Variants in ACBD6 observed in about 807,000 individuals in gnomAD.
ACBD6 encodes acyl-CoA binding domain containing 6, also known as acyl-CoA-binding domain-containing protein 6.
ACBD6 carries 28 observed loss-of-function variants against 37.2 expected under a neutral mutation model. The observed-to-expected ratio is 0.75, with a 90% CI of 0.56 to 1.03. The LOEUF is 1.03. Among genes scored for constraint, ACBD6 ranks in the 50% least tolerant of loss-of-function variants. ACBD6 has a pLI of 0.00. For missense variants in ACBD6, 340 were observed against 337.4 expected (o/e 1.01, Z -0.06); for synonymous variants, 113 against 126.8 (o/e 0.89, Z 0.73).
intron 6 of ACBD6, among the ~76,000 whole-genome samples, chr1:180,353,759 C>A (rs1571398902): frequency 1.4e-4 from 1 of 7,306 alleles, no homozygotes; most frequent in Non-Finnish European, 2.7e-4. Flanking sequence ...TAAAAAAATT[C>A]AATGACATAA....
At chr1:180,339,030 A>C (rs1651860914) in intron 6 of ACBD6, among the ~76,000 whole-genome samples, 1 of 152,232 alleles carries the variant, frequency 6.6e-6, no homozygotes, top group Non-Finnish European at 1.5e-5. Flanking sequence ...GTCAGGAAAC[A>C]ACAGGTGCTA....
chr1:180,309,918 T>C (rs1650522649), intron 7 of ACBD6, among the ~76,000 whole-genome samples: 1 of 152,160 alleles, frequency 6.6e-6, no homozygotes, highest in Non-Finnish European at 1.5e-5. Flanking sequence ...AGAGGAATCA[T>C]ATGACAGAAA....
chr1:180,456,563 T>C (rs1459968217), intron 3 of ACBD6, among the ~76,000 whole-genome samples: 1 of 152,176 alleles, frequency 6.6e-6, no homozygotes, highest in Non-Finnish European at 1.5e-5. Flanking sequence ...GTAAACGTGA[T>C]AGTTATAGGC....
chr1:180,282,041 T>A (rs908424131), intron 8 of ACBD6, among the ~76,000 whole-genome samples: 2 of 152,346 alleles, frequency 1.3e-5, no homozygotes, highest in African/African-American at 4.8e-5. Context: ...TTTAGAACCC[T>A]TTCTTTTTGG....
At chr1:180,289,038 T>TAAAAAAAAAAAAAAAAAAA (rs11353397) in intron 7 of ACBD6, among the ~76,000 whole-genome samples, 1 of 102,966 alleles carries the variant, frequency 9.7e-6, no homozygotes, top group African/African-American at 3.6e-5. Flanking sequence ...CTACAGGAAC[T>TAAAAAAAAAAAAAAAAAAA]AAAAAAAAAA....
At chr1:180,299,240 C>G (rs1650037146) in intron 7 of ACBD6, among the ~76,000 whole-genome samples, 2 of 152,106 alleles carry the variant, frequency 1.3e-5, no homozygotes, top group Admixed American at 1.3e-4. Context: ...ACTCTGCCCA[C>G]CCTTTCAAAA....
intron 6 of ACBD6, among the ~76,000 whole-genome samples, chr1:180,338,777 C>T (rs1243945200): frequency 6.6e-6 from 1 of 152,118 alleles, no homozygotes; most frequent in African/African-American, 2.4e-5. Flanking sequence ...TTGCAATCTA[C>T]TCATCTGACA....
At chr1:180,321,688 G>T (rs1226480117) in intron 6 of ACBD6, among the ~76,000 whole-genome samples, 1 of 152,024 alleles carries the variant, frequency 6.6e-6, no homozygotes, top group Non-Finnish European at 1.5e-5. Context: ...AAAAAGAAAT[G>T]CTACTGATTT....
At chr1:180,410,953 A>G (rs943508674) in intron 5 of ACBD6, among the ~76,000 whole-genome samples, 2 of 152,216 alleles carry the variant, frequency 1.3e-5, no homozygotes, top group Admixed American at 1.3e-4. Context: ...CATTAAGAAC[A>G]TGTGTGATGG....
At chr1:180,377,483 T>C (rs2101922924) in intron 6 of ACBD6, among the ~76,000 whole-genome samples, 1 of 152,318 alleles carries the variant, frequency 6.6e-6, no homozygotes, top group South Asian at 2.1e-4. Context: ...GTGCCAGGAC[T>C]AGAGTAGGGA....
rs10682632 is a variant in ACBD6, at chr1:180,471,402, GA to G, written c.384+20866del. On this transcript the variant is annotated intron_variant, in intron 3 of 7. Transcript: ENST00000367595. The stretch of plus-strand genomic sequence containing the variant: ...GGGCAACACAGAGTGAGATTTTAAG[GA>G]AAAAAAAAAAAAAAGTTTATCTGTC... Among the ~76,000 whole-genome samples the G allele has an allele frequency of 2.5e-3, 344 of 139,478 alleles. 4 individuals are homozygous for G. The highest frequency in any genetic ancestry group is 2.4e-3 in the African/African-American group (87 of 36,954). 91.5% of individuals were successfully genotyped at this position (139,478 alleles called of 152,430 possible). A position where few individuals can be genotyped will look rare whatever the true frequency, so the allele number is the denominator to read the frequency against.
chr1:180,476,269 T>C (rs552371924), intron 3 of ACBD6, among the ~76,000 whole-genome samples: 1 of 152,370 alleles, frequency 6.6e-6, no homozygotes, highest in South Asian at 2.1e-4. Context: ...AACTCATTTA[T>C]GCCGGAGGTT....
chr1:180,489,155 G>A (rs1651391368), intron 3 of ACBD6, among the ~76,000 whole-genome samples: 1 of 151,914 alleles, frequency 6.6e-6, no homozygotes, highest in South Asian at 2.1e-4. Flanking sequence ...GACAGAGAGA[G>A]ACTCCATCTC....
intron 6 of ACBD6, among the ~76,000 whole-genome samples, chr1:180,375,440 T>C (rs1653397762): frequency 6.6e-6 from 1 of 152,106 alleles, no homozygotes; most frequent in South Asian, 2.1e-4. Context: ...ATCCTCCTGC[T>C]TCAGCCTCAT....
At chr1:180,444,521 G>C (rs574010169) in intron 3 of ACBD6, among the ~76,000 whole-genome samples, 1 of 152,288 alleles carries the variant, frequency 6.6e-6, no homozygotes, top group East Asian at 1.9e-4. Context: ...GCCATTATCA[G>C]ATTGAATCCA....
chr1:180,314,662 T>C (rs775310677), intron 7 of ACBD6, 30 bp downstream of exon 7: 6 of 1,491,092 alleles, frequency 4.0e-6, no homozygotes, highest in Non-Finnish European at 5.6e-6. Context: ...TGTTCAAATA[T>C]GATTACTTAA....
At chr1:180,468,894 A>G (rs1557883468) in intron 3 of ACBD6, among the ~76,000 whole-genome samples, 1 of 152,210 alleles carries the variant, frequency 6.6e-6, no homozygotes, top group Non-Finnish European at 1.5e-5. Context: ...GACATTTAAG[A>G]AAAATTTGCA....
chr1:180,502,231 G>C lies in ACBD6; in HGVS notation c.36C>G (p.Thr12=). The C allele has an allele frequency of 1.9e-6, 3 of 1,613,790 alleles. No individual in the cohort carries two copies. Among genetic ancestry groups the C allele is most frequent in the Non-Finnish European group, 2.5e-6 (3 of 1,180,034 alleles). Residue 12 remains threonine, a synonymous_variant, in exon 1 of 8, where the codon ACC becomes ACG. Transcript: ENST00000367595. ...AGCTCAGCTCTCCACCGCTGTCGCC[G>C]GTGATGGCCCCCGCGGGCAGGAATG... ...ASSFLPAGAI[T]GDSGGELSSG...
At chr1:180,476,372 C>T (rs1487673900) in intron 3 of ACBD6, among the ~76,000 whole-genome samples, 1 of 151,940 alleles carries the variant, frequency 6.6e-6, no homozygotes, top group Non-Finnish European at 1.5e-5. Context: ...AATAATGGAA[C>T]ACTAGGCATA....
Sources: allele counts gnomAD v4.1 joint callset (sites outside exome capture counted in the v4.1 genomes callset), GRCh38; gene constraint gnomAD v4.1.1; transcripts MANE v1.5; gene names NCBI Gene and HGNC (gene_info 2026-07-23, HGNC 2026-07-21).